Variants in SOX6 observed in about 807,000 individuals in gnomAD.
SOX6 encodes transcription factor SOX-6.
A neutral mutation model predicts 97.8 loss-of-function variants in SOX6; 11 were observed. That is an observed-to-expected ratio of 0.11 (90% CI 0.07 to 0.19). The LOEUF (loss-of-function observed/expected upper bound fraction) is 0.19, where lower values mean the gene tolerates loss of function less well. SOX6 is among the 10% of genes least tolerant of loss of function. The pLI is 1.00. For synonymous variants in SOX6, 360 were observed against 371.4 expected (o/e 0.97, Z 0.35); for missense variants, 810 against 1,039.5 (o/e 0.78, Z 3.04).
chr11:16,629,678 C>T (rs1590020447), intron 3 of SOX6, among the ~76,000 whole-genome samples: 1 of 152,178 alleles, frequency 6.6e-6, no homozygotes, highest in South Asian at 2.1e-4. Flanking sequence ...GATACCAGCT[C>T]TTCTTTGTGC....
intron 4 of SOX6, among the ~76,000 whole-genome samples, chr11:16,498,852 T>A (rs1233648449): frequency 1.3e-5 from 2 of 152,012 alleles, no homozygotes; most frequent in Non-Finnish European, 2.9e-5. Flanking sequence ...TCCCACACAA[T>A]AATAATGGGA....
In SOX6 at chr11:16,130,974, A is replaced by G. The variant is rs148275335; in HGVS notation, c.778-19051T>C. 2.6e-4 allele frequency among the ~76,000 whole-genome samples: 40 copies of G among 152,108 alleles called. No individual in the cohort carries two copies. The East Asian group carries it at 5.6e-3, about 21-fold the overall frequency. The stretch of plus-strand genomic sequence containing the variant: ...CACAAAATTTAACTCAAAATGCACT[A>G]AAACCTAACCATAAGACCTAAAACT... On this transcript the variant is annotated intron_variant, in intron 6 of 15. Coordinates refer to ENST00000683767, the MANE Select transcript of SOX6 (RefSeq NM_001367873.1).
At chr11:16,438,052 A>G (rs1859419843) in intron 1 of SOX6, among the ~76,000 whole-genome samples, 1 of 152,166 alleles carries the variant, frequency 6.6e-6, no homozygotes, top group Non-Finnish European at 1.5e-5. Context: ...GTTTAAAAAG[A>G]AGGTTATCAA....
intron 2 of SOX6, among the ~76,000 whole-genome samples, chr11:16,331,536 A>G (rs1254774202): frequency 6.6e-6 from 1 of 152,190 alleles, no homozygotes; most frequent in Non-Finnish European, 1.5e-5. Flanking sequence ...TTTTCTTCTA[A>G]TATGTTAAAT....
chr11:16,272,389 C>T (rs1025823719), intron 3 of SOX6, among the ~76,000 whole-genome samples: 1 of 151,684 alleles, frequency 6.6e-6, no homozygotes, highest in Non-Finnish European at 1.5e-5. Flanking sequence ...AATTTCTCTA[C>T]TACAAAATCT....
chr11:16,342,014 T>C (rs1216173387), intron 1 of SOX6, among the ~76,000 whole-genome samples: 1 of 152,050 alleles, frequency 6.6e-6, no homozygotes, highest in Non-Finnish European at 1.5e-5. Context: ...AGGAAGTATA[T>C]ACAAGATTCG....
chr11:16,400,551 G>T (rs7930802), intron 1 of SOX6, among the ~76,000 whole-genome samples: 2 of 151,282 alleles, frequency 1.3e-5, no homozygotes, highest in African/African-American at 4.8e-5. Flanking sequence ...CCATATGATG[G>T]TATATGATGT....
At chr11:16,559,773 T>A (rs976767247) in intron 4 of SOX6, among the ~76,000 whole-genome samples, 1 of 152,152 alleles carries the variant, frequency 6.6e-6, no homozygotes, top group Non-Finnish European at 1.5e-5. Context: ...AATTGTATTG[T>A]ACCAGTCTTT....
chr11:16,223,021 A>G (rs1386322819), intron 4 of SOX6, among the ~76,000 whole-genome samples: 1 of 152,066 alleles, frequency 6.6e-6, no homozygotes, highest in Non-Finnish European at 1.5e-5. Context: ...TAAACCATTC[A>G]TTTCCTACTG....
chr11:16,360,147 T>G (rs576933162), upstream of SOX6, among the ~76,000 whole-genome samples: 1 of 152,280 alleles, frequency 6.6e-6, no homozygotes, highest in South Asian at 2.1e-4. Flanking sequence ...AAAAAGTAAA[T>G]ATCATTGTCC....
At chr11:16,719,096 A>G (rs1027922608) in intron 2 of SOX6, among the ~76,000 whole-genome samples, 2 of 152,176 alleles carry the variant, frequency 1.3e-5, no homozygotes, top group Non-Finnish European at 2.9e-5. Context: ...CTGTAAAATT[A>G]TAAGTCATAT....
chr11:16,447,126 T>C (rs1859627406), intron 1 of SOX6, among the ~76,000 whole-genome samples: 1 of 152,026 alleles, frequency 6.6e-6, no homozygotes, highest in Non-Finnish European at 1.5e-5. Context: ...TTATTAAAAA[T>C]ATGCAACAAT....
chr11:16,522,297 C>T (rs1861080801), intron 4 of SOX6, among the ~76,000 whole-genome samples: 1 of 152,120 alleles, frequency 6.6e-6, no homozygotes, highest in Non-Finnish European at 1.5e-5. Flanking sequence ...AGGAACTCTA[C>T]AACCCAGAAG....
chr11:16,716,856 T>A (rs559465226), intron 2 of SOX6, among the ~76,000 whole-genome samples: 7 of 152,066 alleles, frequency 4.6e-5, no homozygotes, highest in African/African-American at 1.4e-4. Context: ...CAGAAAAAAA[T>A]TAATTTATGA....
upstream of SOX6, among the ~76,000 whole-genome samples, chr11:16,477,157 T>C (rs182432653): frequency 6.1e-3 from 927 of 152,330 alleles, 5 homozygotes; most frequent in Non-Finnish European, 0.01. Context: ...ACAGAGGCTG[T>C]ATTCTTTCAA....
intron 1 of SOX6, among the ~76,000 whole-genome samples, chr11:16,452,445 A>C (rs973575762): frequency 3.9e-5 from 6 of 152,228 alleles, no homozygotes; most frequent in Admixed American, 6.5e-5. Context: ...ATATTAAACT[A>C]TATGAATTTA....
intron 4 of SOX6, among the ~76,000 whole-genome samples, chr11:16,541,716 C>T (rs1861411984): frequency 6.6e-6 from 1 of 152,180 alleles, no homozygotes; most frequent in African/African-American, 2.4e-5. Context: ...TGAAAAAATG[C>T]TCATCATCAC....
At chr11:16,633,246 A>G (rs773893265) in intron 3 of SOX6, among the ~76,000 whole-genome samples, 1 of 152,238 alleles carries the variant, frequency 6.6e-6, no homozygotes, top group South Asian at 2.1e-4. Context: ...ATCAAACTGC[A>G]TAAGTGACAC....
chr11:16,579,678 A>G (rs1295484644), intron 4 of SOX6, among the ~76,000 whole-genome samples: 4 of 152,100 alleles, frequency 2.6e-5, no homozygotes, highest in African/African-American at 9.7e-5. Flanking sequence ...AGTATACCAC[A>G]ATTAATGTAC....
Sources: gnomAD v4.1 joint callset for allele counts (sites outside exome capture counted in the v4.1 genomes callset) on GRCh38, gnomAD v4.1.1 for gene constraint, MANE v1.5 for transcripts, NCBI Gene and HGNC (gene_info 2026-07-23, HGNC 2026-07-21) for gene names.